Variants in PDS5B observed in about 807,000 individuals in gnomAD.
PDS5B encodes sister chromatid cohesion protein PDS5 homolog B.
Under a neutral mutation model 184.1 loss-of-function variants are expected in PDS5B, and 51 were observed. The observed-to-expected ratio is 0.28, with a 90% CI of 0.22 to 0.35. The LOEUF is 0.35. Ranked by LOEUF, PDS5B falls within the 10% of genes least tolerant of loss-of-function variation. The probability of loss-of-function intolerance (pLI) is 1.00; values close to 1 mark genes in which losing one functional copy is unlikely to be tolerated. For synonymous variants in PDS5B, 566 were observed against 569.2 expected, an observed-to-expected ratio of 0.99 and a Z score of 0.08; for missense variants, 1,180 against 1,723.3, an observed-to-expected ratio of 0.68 and a Z score of 5.58.
At chr13:32,723,749 T>G (rs1416563348) in intron 19 of PDS5B, among the ~76,000 whole-genome samples, 1 of 152,228 alleles carries the variant, frequency 6.6e-6, no homozygotes, top group Non-Finnish European at 1.5e-5. Flanking sequence ...AGAAGATAGG[T>G]CTTATCTATG....
rs187869426 is a variant in PDS5B at position 32,658,231 on chromosome 13, T to C, written c.313-8T>C. 7.2e-4 allele frequency: 945 copies of C among 1,315,868 alleles called. No homozygotes were observed. The highest frequency in any genetic ancestry group is 1.2e-3 in the Middle Eastern group (5 of 4,266). The allele number at this position is 1,315,868 out of a possible 1,614,324, so 81.5% of individuals were successfully genotyped here. On this transcript the variant is annotated splice_polypyrimidine_tract_variant and splice_region_variant and intron_variant, in intron 3 of 34. Transcript: ENST00000315596. ...ATCTAAATGGCACTTTGTCTTTTTT[T>C]ATTTAAGGATATATTTATGTTTATA...
Position 32,683,962 on chromosome 13 carries a change from A to C in PDS5B, c.1142A>C (p.Asp381Ala). 2.5e-6 allele frequency: 4 copies of C among 1,592,832 alleles called. No homozygotes were observed. Among genetic ancestry groups the C allele is most frequent in the Non-Finnish European group, 3.4e-6 (4 of 1,162,098 alleles). ...IVSIVTAAKK[D>A]ILLVNDHLLN... ...TCAATAGTTACAGCTGCTAAAAAGG[A>C]TATTCTTCTGGTCAATGATCACTTA... The change falls in exon 11 of 35, where the codon GAT becomes GCT. Residue 381 changes from aspartate to alanine, a missense_variant. Around this residue, in one of 11 missense-constraint regions of PDS5B, gnomAD observed 475 missense variants for 691.5 expected, o/e 0.69. Coordinates refer to ENST00000315596, the MANE Select transcript of PDS5B (RefSeq NM_015032.4).
chr13:32,604,808 G>T (rs1473968284), intron 1 of PDS5B, among the ~76,000 whole-genome samples: 5 of 150,944 alleles, frequency 3.3e-5, no homozygotes, highest in African/African-American at 1.2e-4. Flanking sequence ...TTGGGAGGGT[G>T]TATGTGTCCA....
At chr13:32,599,154 T>A (rs990200500) in intron 1 of PDS5B, among the ~76,000 whole-genome samples, 3 of 152,212 alleles carry the variant, frequency 2.0e-5, no homozygotes, top group Non-Finnish European at 4.4e-5. Flanking sequence ...AACAATTTGA[T>A]GTTGAAAGTT....
At chr13:32,622,602 A>G (rs536038315) in intron 1 of PDS5B, among the ~76,000 whole-genome samples, 3 of 152,336 alleles carry the variant, frequency 2.0e-5, no homozygotes, top group Non-Finnish European at 4.4e-5. Flanking sequence ...CTAGTATATA[A>G]TCTATCAGTA....
At chr13:32,690,338 C>T (rs1293889044) in intron 13 of PDS5B, 5 of 152,274 alleles carry the variant, frequency 3.3e-5, no homozygotes, top group Middle Eastern at 3.2e-3. Context: ...ATGATTCTGA[C>T]TGGTTGATGC....
chr13:32,678,682 A>G lies in PDS5B; in HGVS notation c.963-153A>G, dbSNP rs566580867. 1.2e-4 allele frequency among the ~76,000 whole-genome samples: 18 copies of G among 152,350 alleles called. No homozygotes were observed. In the South Asian group the frequency reaches 3.3e-3, roughly 28 times the overall value. Reference sequence around the variant, plus strand: ...CCAGAGCATTCAGACATACATGTATATCAGAAACTTTGTAAAATGGTTTGG... The same window carrying G: ...CCAGAGCATTCAGACATACATGTATGTCAGAAACTTTGTAAAATGGTTTGG... On this transcript the variant is annotated intron_variant, in intron 9 of 34. Transcript: ENST00000315596.
chr13:32,619,933 G>C (rs1296719536), intron 1 of PDS5B, among the ~76,000 whole-genome samples: 1 of 151,946 alleles, frequency 6.6e-6, no homozygotes, highest in African/African-American at 2.4e-5. Context: ...CTCGTAGCTG[G>C]GATTACAGGG....
intron 30 of PDS5B, among the ~76,000 whole-genome samples, chr13:32,762,925 A>G (rs1264344340): frequency 2.0e-5 from 3 of 152,170 alleles, no homozygotes; most frequent in African/African-American, 7.2e-5. Flanking sequence ...TTTGCTTTCA[A>G]GACAAGTATA....
chr13:32,731,663 C>A (rs1953127064), intron 19 of PDS5B, among the ~76,000 whole-genome samples: 1 of 151,992 alleles, frequency 6.6e-6, no homozygotes. Context: ...ATTGTTTAAT[C>A]AGATTTTCCT....
rs769768137 is a variant in PDS5B, at chr13:32,667,728, GA to G, written c.625-35del. On this transcript the variant is annotated intron_variant, in intron 6 of 34. Coordinates refer to ENST00000315596, the MANE Select transcript of PDS5B (RefSeq NM_015032.4). The stretch of plus-strand genomic sequence containing the variant: ...GGTAATATTTTGCTTTTCATAGTTA[GA>G]GATATATAATATAGATATTGTTTAT... The G allele has an allele frequency of 5.5e-6, 7 of 1,284,174 alleles. No individual in the cohort carries two copies. The African/African-American group carries it at 1.1e-4, about 20-fold the overall frequency. The allele number at this position is 1,284,174 out of a possible 1,614,324, so 79.5% of individuals were successfully genotyped here.
chr13:32,677,423 T>C (rs913291678), intron 9 of PDS5B, among the ~76,000 whole-genome samples: 5 of 152,146 alleles, frequency 3.3e-5, no homozygotes, highest in Admixed American at 6.5e-5. Flanking sequence ...CTTTCTATTA[T>C]GTTGTAATTT....
At position 32,775,086 on chromosome 13, in the gene PDS5B, T is replaced by A; in HGVS notation, c.*34T>A. 1 of 1,040,540 alleles carries A rather than the reference T, an allele frequency of 9.6e-7. No homozygotes were observed. The highest frequency in any genetic ancestry group is 1.4e-6 in the Non-Finnish European group (1 of 728,522). 64.5% of individuals were successfully genotyped at this position (1,040,540 alleles called of 1,614,324 possible). A position where few individuals can be genotyped will look rare whatever the true frequency, so the allele number is the denominator to read the frequency against. On this transcript the variant is annotated 3_prime_UTR_variant, in exon 35 of 35. Coordinates refer to ENST00000315596, the MANE Select transcript of PDS5B (RefSeq NM_015032.4). ...AATTAATAACTTTCTCTGTGAAAGC[T>A]TTGGAAAAATCTTTTTTTTTTTTTT...
At chr13:32,717,212 G>A (rs1399860480) in intron 19 of PDS5B, among the ~76,000 whole-genome samples, 2 of 152,124 alleles carry the variant, frequency 1.3e-5, no homozygotes, top group African/African-American at 2.4e-5. Flanking sequence ...CATTGAGAAC[G>A]GGCCATGATG....
intron 13 of PDS5B, among the ~76,000 whole-genome samples, chr13:32,691,801 T>G (rs1041024534): frequency 6.6e-6 from 1 of 152,168 alleles, no homozygotes; most frequent in African/African-American, 2.4e-5. Context: ...ATGATTATAC[T>G]AGTTTATACT....
intron 8 of PDS5B, among the ~76,000 whole-genome samples, chr13:32,674,693 TACAA>T (rs1209852666): frequency 2.0e-5 from 3 of 151,718 alleles, no homozygotes; most frequent in Non-Finnish European, 1.5e-5. Flanking sequence ...TCATAAGAGA[TACAA>T]ACAGCGTACA....
intron 25 of PDS5B, 36 bp from the exon 26 acceptor site, chr13:32,755,804 TTG>T: frequency 1.9e-6 from 2 of 1,036,512 alleles, no homozygotes; most frequent in South Asian, 1.6e-5. Context: ...GCTTTTTCTT[TTG>T]TTTTTTTTTG....
At chr13:32,763,163 A>G (rs1437253638) in intron 30 of PDS5B, among the ~76,000 whole-genome samples, 1 of 152,164 alleles carries the variant, frequency 6.6e-6, no homozygotes, top group Non-Finnish European at 1.5e-5. Context: ...AAAAATTATG[A>G]GAGGAAGTTG....
At chr13:32,694,991 A>G (rs1251446193) in intron 14 of PDS5B, among the ~76,000 whole-genome samples, 1 of 151,774 alleles carries the variant, frequency 6.6e-6, no homozygotes, top group African/African-American at 2.4e-5. Context: ...CTTTTTCTCA[A>G]TCTCCCTTCC....
Sources: gnomAD v4.1 joint callset for allele counts (sites outside exome capture counted in the v4.1 genomes callset) on GRCh38, gnomAD v4.1.1 for gene constraint, gnomAD v4.1.1 regional missense constraint, MANE v1.5 for transcripts, NCBI Gene and HGNC (gene_info 2026-07-23, HGNC 2026-07-21) for gene names.